ADAMTSL1: variants seen among roughly 807,000 people sequenced by gnomAD.
ADAMTSL1 encodes ADAMTS like 1, also known as ADAMTS-like protein 1.
ADAMTSL1 carries 126 observed loss-of-function variants against 201.8 expected under a neutral mutation model. The ratio of observed to expected loss-of-function variants is 0.62; its 90% CI spans 0.54 to 0.72. The LOEUF (loss-of-function observed/expected upper bound fraction) is 0.72, where lower values mean the gene tolerates loss of function less well. Among genes scored for constraint, ADAMTSL1 ranks in the 30% least tolerant of loss-of-function variants. The probability of loss-of-function intolerance (pLI) is 0.00; values close to 1 mark genes in which losing one functional copy is unlikely to be tolerated. For missense variants in ADAMTSL1, 2,679 were observed against 2,277.8 expected (o/e 1.18, Z -3.59); for synonymous variants, 1,121 against 903.4 (o/e 1.24, Z -4.32).
At chr9:18,257,892 T>C (rs1305811253) in intron 2 of ADAMTSL1, among the ~76,000 whole-genome samples, 3 of 152,222 alleles carry the variant, frequency 2.0e-5, no homozygotes, top group African/African-American at 7.2e-5. Flanking sequence ...ATTCCAATTA[T>C]AGAAGGCACC....
At chr9:18,678,833 A>T (rs181623283) in intron 10 of ADAMTSL1, among the ~76,000 whole-genome samples, 53 of 152,308 alleles carry the variant, frequency 3.5e-4, no homozygotes, top group Admixed American at 3.1e-3. Flanking sequence ...CCAGAGATTT[A>T]TGTGGAGACA....
At chr9:18,527,785 A>G (rs1391568568) in intron 2 of ADAMTSL1, among the ~76,000 whole-genome samples, 6 of 152,216 alleles carry the variant, frequency 3.9e-5, no homozygotes, top group African/African-American at 1.2e-4. Flanking sequence ...AAGAGAAGGA[A>G]TTAAATCAAA....
At chr9:18,113,527 A>T (rs186882549) in intron 1 of ADAMTSL1, among the ~76,000 whole-genome samples, 2 of 152,118 alleles carry the variant, frequency 1.3e-5, no homozygotes, top group Non-Finnish European at 2.9e-5. Context: ...GAGCAGAAAG[A>T]AAAAAGCATT....
chr9:18,431,721 C>G (rs1200490289), intron 2 of ADAMTSL1, among the ~76,000 whole-genome samples: 2 of 152,092 alleles, frequency 1.3e-5, no homozygotes, highest in Non-Finnish European at 2.9e-5. Context: ...TGTCTGAAGT[C>G]AACAGCCCCA....
intron 3 of ADAMTSL1, among the ~76,000 whole-genome samples, chr9:18,539,173 T>C (rs1455154941): frequency 6.6e-6 from 1 of 152,168 alleles, no homozygotes; most frequent in Non-Finnish European, 1.5e-5. Flanking sequence ...TATTCGCTTA[T>C]TCATTCTCTT....
chr9:18,155,784 G>A (rs951202485), intron 1 of ADAMTSL1, among the ~76,000 whole-genome samples: 1 of 151,966 alleles, frequency 6.6e-6, no homozygotes, highest in Non-Finnish European at 1.5e-5. Context: ...TACAGATAGG[G>A]ATGGCAAATT....
chr9:18,338,357 T>C (rs1038465581), intron 2 of ADAMTSL1, among the ~76,000 whole-genome samples: 1 of 152,066 alleles, frequency 6.6e-6, no homozygotes, highest in Non-Finnish European at 1.5e-5. Flanking sequence ...TTCCTATTAG[T>C]GTCTGGTTTT....
At position 18,753,310 on chromosome 9, in the gene ADAMTSL1, C is replaced by G; in HGVS notation, c.2019C>G (p.Gly673=). The stretch of plus-strand genomic sequence containing the variant: ...GATTTCTTCTCAGGTGGGAAATTGG[C>G]AAGTGGAGTCCATGTAGTCTCACAT... The part of the protein sequence containing the change: ...LDPCPARWEI[G]KWSPCSLTCG... The change falls in exon 16 of 29, where the codon GGC becomes GGG. Residue 673 remains glycine (G), a synonymous_variant. Coordinates refer to ENST00000380548, the MANE Select transcript of ADAMTSL1 (RefSeq NM_001040272.6). The G allele has an allele frequency of 6.2e-7, 1 of 1,611,278 alleles. No individual in the cohort carries two copies.
chr9:18,839,200 C>T (rs1413509840), intron 23 of ADAMTSL1, among the ~76,000 whole-genome samples: 1 of 123,834 alleles, frequency 8.1e-6, no homozygotes, highest in Non-Finnish European at 1.6e-5. Flanking sequence ...CACCCCACAA[C>T]AGTCCCCAGA....
intron 1 of ADAMTSL1, among the ~76,000 whole-genome samples, chr9:17,914,516 G>A (rs1289287754): frequency 5.9e-5 from 9 of 151,900 alleles, no homozygotes; most frequent in African/African-American, 9.7e-5. Flanking sequence ...TTGATGGGAC[G>A]TATCTCAAAA....
intron 1 of ADAMTSL1, among the ~76,000 whole-genome samples, chr9:18,026,801 T>A (rs1820717286): frequency 6.6e-6 from 1 of 152,110 alleles, no homozygotes; most frequent in Non-Finnish European, 1.5e-5. Context: ...TCTTTGAACA[T>A]CTGGTAGAAT....
At chr9:18,523,444 A>C (rs929445487) in intron 2 of ADAMTSL1, among the ~76,000 whole-genome samples, 1 of 152,110 alleles carries the variant, frequency 6.6e-6, no homozygotes, top group Non-Finnish European at 1.5e-5. Flanking sequence ...TCTTTAGTTT[A>C]ATTAGATCCC....
chr9:18,863,798 G>C lies in ADAMTSL1; in HGVS notation c.4250-24033G>C, dbSNP rs144326711. 8.6e-3 allele frequency among the ~76,000 whole-genome samples: 1,309 copies of C among 152,272 alleles called. 18 individuals carry two copies. The highest frequency in any genetic ancestry group is 0.029 in the African/African-American group (1,211 of 41,536). ...TTTGCTCAGTCACCCCATGGCCTTA[G>C]AGTGAGGCCCGTACACACCACATAC... On this transcript the variant is annotated intron_variant, in intron 23 of 28. Transcript: ENST00000380548.
chr9:18,132,586 T>C (rs1428161806), intron 1 of ADAMTSL1, among the ~76,000 whole-genome samples: 4 of 152,202 alleles, frequency 2.6e-5, no homozygotes, highest in African/African-American at 7.2e-5. Context: ...CACCAGCTCT[T>C]CATTCTATCA....
At chr9:18,204,835 T>A (rs114886034) in intron 2 of ADAMTSL1, among the ~76,000 whole-genome samples, 2 of 152,294 alleles carry the variant, frequency 1.3e-5, no homozygotes, top group African/African-American at 4.8e-5. Context: ...AGAAGGTGCA[T>A]CTACTCAGAC....
At chr9:18,545,722 G>A (rs1167595414) in intron 3 of ADAMTSL1, among the ~76,000 whole-genome samples, 2 of 152,160 alleles carry the variant, frequency 1.3e-5, no homozygotes, top group Non-Finnish European at 2.9e-5. Context: ...TTCATAAAAA[G>A]GATGCTGGCC....
chr9:18,208,089 A>T (rs1314179875), intron 2 of ADAMTSL1, among the ~76,000 whole-genome samples: 1 of 152,114 alleles, frequency 6.6e-6, no homozygotes. Flanking sequence ...GGAGACAGTG[A>T]TGTACATTTT....
chr9:18,088,843 A>T (rs1390759684), intron 1 of ADAMTSL1, among the ~76,000 whole-genome samples: 1 of 152,204 alleles, frequency 6.6e-6, no homozygotes, highest in Non-Finnish European at 1.5e-5. Flanking sequence ...TCAAAAAATT[A>T]CACATAGAAC....
chr9:18,116,126 C>T (rs1825238771), intron 1 of ADAMTSL1, among the ~76,000 whole-genome samples: 2 of 152,006 alleles, frequency 1.3e-5, no homozygotes, highest in Admixed American at 6.6e-5. Context: ...TCTGTGCAGT[C>T]GAAGGCTTGA....
Sources: allele counts gnomAD v4.1 joint callset (sites outside exome capture counted in the v4.1 genomes callset), GRCh38; gene constraint gnomAD v4.1.1; transcripts MANE v1.5; gene names NCBI Gene and HGNC (gene_info 2026-07-23, HGNC 2026-07-21).